The following ADGRB3 variants were observed in gnomAD, a reference collection of about 807,000 sequenced individuals.
ADGRB3 encodes adhesion G protein-coupled receptor B3.
Under a neutral mutation model 193.4 loss-of-function variants are expected in ADGRB3, and 37 were observed. The observed-to-expected ratio is 0.19, with a 90% confidence interval of 0.15 to 0.25. The LOEUF is 0.25. Ranked by LOEUF, ADGRB3 falls within the 10% of genes least tolerant of loss-of-function variation. ADGRB3 has a pLI of 1.00. For synonymous variants in ADGRB3, 690 were observed against 644.2 expected (o/e 1.07, Z -1.08); for missense variants, 1,637 against 1,852.9 (o/e 0.88, Z 2.14).
intron 31 of ADGRB3, among the ~76,000 whole-genome samples, chr6:69,386,748 CAT>C (rs1384216761): frequency 2.0e-5 from 3 of 152,094 alleles, no homozygotes; most frequent in African/African-American, 7.2e-5. Context: ...TCCAACCACA[CAT>C]ATGTGTTCGT....
At chr6:69,040,317 C>A (rs1369459669) in intron 13 of ADGRB3, among the ~76,000 whole-genome samples, 1 of 39,380 alleles carries the variant, frequency 2.5e-5, no homozygotes, top group Non-Finnish European at 5.1e-5. Flanking sequence ...CTCTTTCTTT[C>A]TTTCTTTCTT....
intron 3 of ADGRB3, among the ~76,000 whole-genome samples, chr6:68,820,256 T>C (rs1767724939): frequency 6.6e-6 from 1 of 152,006 alleles, no homozygotes; most frequent in Non-Finnish European, 1.5e-5. Flanking sequence ...ATTAAAATAA[T>C]TTTCTTTCTC....
intron 11 of ADGRB3, among the ~76,000 whole-genome samples, chr6:69,010,530 A>C (rs1365232997): frequency 6.6e-6 from 1 of 152,080 alleles, no homozygotes; most frequent in Non-Finnish European, 1.5e-5. Context: ...CATGCATCAG[A>C]TACTGTGTTA....
chr6:69,210,875 G>A (rs1459765534), intron 17 of ADGRB3, among the ~76,000 whole-genome samples: 1 of 152,102 alleles, frequency 6.6e-6, no homozygotes, highest in Non-Finnish European at 1.5e-5. Context: ...CAGCACTTTG[G>A]GAGGCCGAGG....
chr6:68,771,311 A>G (rs556714432), intron 3 of ADGRB3, among the ~76,000 whole-genome samples: 11 of 144,248 alleles, frequency 7.6e-5, no homozygotes, highest in East Asian at 5.8e-4. Flanking sequence ...GTGTGCACAT[A>G]ATTAAAGTTG....
At chr6:68,882,932 C>T (rs144660738) in intron 3 of ADGRB3, among the ~76,000 whole-genome samples, 1,584 of 151,868 alleles carry the variant, frequency 0.01, 26 homozygotes, top group African/African-American at 0.036. Context: ...CTTGGTCTGT[C>T]GCCCAGGCTG....
chr6:68,662,077 C>T (rs1182330758), intron 3 of ADGRB3, among the ~76,000 whole-genome samples: 1 of 151,334 alleles, frequency 6.6e-6, no homozygotes, highest in Admixed American at 6.6e-5. Flanking sequence ...TGGTTCAAGT[C>T]GAGCCAAGTA....
At chr6:68,919,516 A>G (rs1435363840) in intron 3 of ADGRB3, among the ~76,000 whole-genome samples, 3 of 152,218 alleles carry the variant, frequency 2.0e-5, no homozygotes, top group Admixed American at 2.0e-4. Context: ...TCCTGTAGGA[A>G]TGAGTGAGAT....
At chr6:68,838,052 A>T (rs546680341) in intron 3 of ADGRB3, among the ~76,000 whole-genome samples, 2 of 152,184 alleles carry the variant, frequency 1.3e-5, no homozygotes, top group Non-Finnish European at 2.9e-5. Flanking sequence ...CAGTATTCAG[A>T]AAGAAAAAAT....
At chr6:68,774,432 A>G (rs1477268158) in intron 3 of ADGRB3, among the ~76,000 whole-genome samples, 1 of 145,634 alleles carries the variant, frequency 6.9e-6, no homozygotes, top group African/African-American at 2.5e-5. Context: ...GGTATTTTCT[A>G]ATAATGGTCT....
At chr6:68,648,471 TG>T (rs370246908) in intron 3 of ADGRB3, among the ~76,000 whole-genome samples, 36,332 of 142,982 alleles carry the variant, frequency 0.25, 6,950 homozygotes, top group African/African-American at 0.54. Context: ...TGAGTTTTTT[TG>T]TTTTTTTTTT....
At position 69,389,346 on chromosome 6, in the gene ADGRB3, C is replaced by A. The variant is rs1027384637; in HGVS notation, c.*455C>A. 6.5e-6 allele frequency: 1 copy of A among 153,006 alleles called. No individual in the cohort carries two copies. The highest frequency in any genetic ancestry group is 1.5e-5 in the Non-Finnish European group (1 of 68,344). 9.5% of individuals were successfully genotyped at this position (153,006 alleles called of 1,614,324 possible). A position where few individuals can be genotyped will look rare whatever the true frequency, so the allele number is the denominator to read the frequency against. On this transcript the variant is annotated 3_prime_UTR_variant, in exon 32 of 32. Coordinates refer to ENST00000370598, the MANE Select transcript of ADGRB3 (RefSeq NM_001704.3). ...GTTTGTTGAGCTACATTCTTCATTG[C>A]TTTAAATGCAATAAAGTAATAATCT...
At chr6:68,975,002 A>G (rs1392937588) in intron 9 of ADGRB3, 138 bp downstream of exon 9, 2 of 768,760 alleles carry the variant, frequency 2.6e-6, no homozygotes, top group Admixed American at 5.8e-5. Context: ...AAACAATTTT[A>G]GTAAAGTGCT....
intron 3 of ADGRB3, among the ~76,000 whole-genome samples, chr6:68,844,274 C>T (rs62418576): frequency 6.6e-6 from 1 of 151,918 alleles, no homozygotes; most frequent in African/African-American, 2.4e-5. Flanking sequence ...GCAAACTAAC[C>T]ATCTCACAAA....
At chr6:68,872,633 G>A (rs566537) in intron 3 of ADGRB3, among the ~76,000 whole-genome samples, 47,560 of 151,804 alleles carry the variant, frequency 0.31, 8,082 homozygotes, top group East Asian at 0.59. Flanking sequence ...CTTGTGAATG[G>A]GTTTATTAGT....
chr6:69,015,031 T>C (rs551399036), intron 12 of ADGRB3, among the ~76,000 whole-genome samples: 3 of 151,964 alleles, frequency 2.0e-5, no homozygotes, highest in Admixed American at 6.6e-5. Context: ...AAAAAACCCT[T>C]ATTTTAATAC....
intron 3 of ADGRB3, among the ~76,000 whole-genome samples, chr6:68,831,554 G>C (rs1358891334): frequency 2.0e-5 from 3 of 152,066 alleles, no homozygotes; most frequent in Non-Finnish European, 4.4e-5. Context: ...TTTGAGCACG[G>C]GGTAGTGAAT....
At chr6:69,120,607 G>A (rs1296971545) in intron 17 of ADGRB3, among the ~76,000 whole-genome samples, 1 of 152,230 alleles carries the variant, frequency 6.6e-6, no homozygotes, top group Non-Finnish European at 1.5e-5. Flanking sequence ...AACAATGCAT[G>A]TTAATAGCCT....
chr6:69,133,364 G>A (rs1418267756), intron 17 of ADGRB3, among the ~76,000 whole-genome samples: 1 of 152,052 alleles, frequency 6.6e-6, no homozygotes, highest in Non-Finnish European at 1.5e-5. Context: ...GTATTACTAG[G>A]TATTTTATTT....
Sources: gnomAD v4.1 joint callset for allele counts (sites outside exome capture counted in the v4.1 genomes callset) on GRCh38, gnomAD v4.1.1 for gene constraint, MANE v1.5 for transcripts, NCBI Gene and HGNC (gene_info 2026-07-23, HGNC 2026-07-21) for gene names.